MEF2A: variants seen among roughly 807,000 people sequenced by gnomAD.
MEF2A encodes the protein myocyte enhancer factor 2A, also known as myocyte-specific enhancer factor 2A.
A neutral mutation model predicts 55.8 loss-of-function variants in MEF2A; 28 were observed. The ratio of observed to expected loss-of-function variants is 0.50; its 90% CI spans 0.37 to 0.69. The LOEUF (loss-of-function observed/expected upper bound fraction) is 0.69, where lower values mean the gene tolerates loss of function less well. Ranked by LOEUF, MEF2A falls within the 30% of genes least tolerant of loss-of-function variation. The pLI is 0.00. For synonymous variants in MEF2A, 239 were observed against 227.1 expected, an observed-to-expected ratio of 1.05 and a Z score of -0.47; for missense variants, 528 against 626.2, an observed-to-expected ratio of 0.84 and a Z score of 1.67.
intron 3 of MEF2A, among the ~76,000 whole-genome samples, chr15:99,645,309 G>A (rs1004663455): frequency 3.9e-5 from 6 of 152,194 alleles, no homozygotes; most frequent in Admixed American, 1.3e-4. Context: ...TTCACCCTCT[G>A]TAGTGGAGTG....
At chr15:99,695,885 C>T (rs1258078765) in intron 8 of MEF2A, among the ~76,000 whole-genome samples, 4 of 151,018 alleles carry the variant, frequency 2.6e-5, no homozygotes, top group South Asian at 4.2e-4. Flanking sequence ...AAAAATGCTG[C>T]TTACAAGAAA....
chr15:99,623,901 G>A (rs12324876), intron 2 of MEF2A, among the ~76,000 whole-genome samples: 6 of 150,582 alleles, frequency 4.0e-5, no homozygotes, highest in African/African-American at 7.3e-5. Context: ...TCCGCTTCCC[G>A]GGTTCAAGTG....
intron 7 of MEF2A, among the ~76,000 whole-genome samples, chr15:99,683,492 C>T (rs532235687): frequency 6.6e-6 from 1 of 152,098 alleles, no homozygotes; most frequent in African/African-American, 2.4e-5. Context: ...CTGCAGCCTC[C>T]ACCTCTGCGG....
chr15:99,613,517 A>C (rs1431289258), intron 2 of MEF2A, among the ~76,000 whole-genome samples: 2 of 152,182 alleles, frequency 1.3e-5, no homozygotes, highest in Admixed American at 6.5e-5. Context: ...CTAAGTCTTT[A>C]ATAATTGAGA....
chr15:99,653,118 C>A (rs1316599800), intron 4 of MEF2A, among the ~76,000 whole-genome samples: 1 of 152,164 alleles, frequency 6.6e-6, no homozygotes, highest in Non-Finnish European at 1.5e-5. Flanking sequence ...GCCAGAAGTT[C>A]ATTTAGGGCA....
At chr15:99,585,381 G>A (rs1291588338) in intron 1 of MEF2A, among the ~76,000 whole-genome samples, 1 of 152,096 alleles carries the variant, frequency 6.6e-6, no homozygotes, top group African/African-American at 2.4e-5. Context: ...ATGCTTGCTT[G>A]TGTGAAATTT....
chr15:99,642,414 C>T (rs1480386393), intron 3 of MEF2A, among the ~76,000 whole-genome samples: 1 of 151,964 alleles, frequency 6.6e-6, no homozygotes, highest in African/African-American at 2.4e-5. Flanking sequence ...ATGCTCTGGG[C>T]TTTTTTGGTA....
chr15:99,608,997 A>T (rs183092790), intron 2 of MEF2A, among the ~76,000 whole-genome samples: 1 of 152,194 alleles, frequency 6.6e-6, no homozygotes, highest in Non-Finnish European at 1.5e-5. Context: ...TAACAAGTAG[A>T]TAGTTTAGAG....
chr15:99,592,796 A>T (rs1366761529), intron 1 of MEF2A, among the ~76,000 whole-genome samples: 1 of 152,160 alleles, frequency 6.6e-6, no homozygotes, highest in African/African-American at 2.4e-5. Flanking sequence ...TTCATGAGAC[A>T]TCTGCTCCCA....
At chr15:99,651,141 A>G (rs1038111342) in intron 4 of MEF2A, among the ~76,000 whole-genome samples, 11 of 152,306 alleles carry the variant, frequency 7.2e-5, no homozygotes, top group Non-Finnish European at 8.8e-5. Flanking sequence ...AATGGGTTAC[A>G]TTTCAGTTCG....
intron 2 of MEF2A, among the ~76,000 whole-genome samples, chr15:99,621,659 A>C (rs529902987): frequency 1.3e-5 from 2 of 152,148 alleles, no homozygotes; most frequent in Non-Finnish European, 2.9e-5. Context: ...TCTTATGTCT[A>C]GTTTCCTATT....
chr15:99,585,013 A>T (rs1966851036), intron 1 of MEF2A, among the ~76,000 whole-genome samples: 1 of 152,126 alleles, frequency 6.6e-6, no homozygotes, highest in Non-Finnish European at 1.5e-5. Context: ...TCACATTGTC[A>T]CACAAATGCT....
intron 2 of MEF2A, among the ~76,000 whole-genome samples, chr15:99,602,653 G>GGGGGGGTGTGTGTGT (rs1555454713): frequency 2.2e-5 from 1 of 44,842 alleles, no homozygotes; most frequent in African/African-American, 7.1e-5. Context: ...ACATTCCTGG[G>GGGGGGGTGTGTGTGT]GTGTGTGTGT....
intron 1 of MEF2A, among the ~76,000 whole-genome samples, chr15:99,566,991 G>A (rs1029005515): frequency 6.6e-6 from 1 of 152,242 alleles, no homozygotes; most frequent in Non-Finnish European, 1.5e-5. Flanking sequence ...GAGCTGTGAG[G>A]GTTAAAGTAA....
chr15:99,711,695 C>T (rs2058657490), intron 11 of MEF2A, among the ~76,000 whole-genome samples: 1 of 152,230 alleles, frequency 6.6e-6, no homozygotes, highest in Admixed American at 6.5e-5. Context: ...TCTGAAGTAA[C>T]TGCACAGTGA....
chr15:99,686,357 C>T (rs2054212718), intron 7 of MEF2A, among the ~76,000 whole-genome samples: 1 of 151,534 alleles, frequency 6.6e-6, no homozygotes, highest in Admixed American at 6.6e-5. Flanking sequence ...GGTGTATTTT[C>T]AGGTTTTGTT....
chr15:99,669,108 C>G (rs1332301281), intron 4 of MEF2A, among the ~76,000 whole-genome samples: 1 of 152,138 alleles, frequency 6.6e-6, no homozygotes, highest in Non-Finnish European at 1.5e-5. Flanking sequence ...AATTGTTGAA[C>G]AAAAGCTGCC....
At position 99,610,494 on chromosome 15, in the gene MEF2A, A is replaced by G. The variant is rs192651343; in HGVS notation, c.-143+11983A>G. ...GAAATTGAAGATACTTAGAATAGCC[A>G]AAACAATCTTTAAAAAGGATAAAGT... On this transcript the variant is annotated intron_variant, in intron 2 of 11. Coordinates refer to ENST00000557942, the MANE Select transcript of MEF2A (RefSeq NM_001319206.4). Among the ~76,000 whole-genome samples the G allele has an allele frequency of 4.1e-5, 6 of 144,850 alleles. No homozygotes were observed. The East Asian group carries it at 1.3e-3, about 31-fold the overall frequency.
At chr15:99,573,560 A>T (rs762668741) in intron 1 of MEF2A, among the ~76,000 whole-genome samples, 1 of 152,192 alleles carries the variant, frequency 6.6e-6, no homozygotes, top group African/African-American at 2.4e-5. Context: ...TTTGAAATGC[A>T]TATCTCTGTT....
Sources: gnomAD v4.1 joint callset for allele counts (sites outside exome capture counted in the v4.1 genomes callset) on GRCh38, gnomAD v4.1.1 for gene constraint, MANE v1.5 for transcripts, NCBI Gene and HGNC (gene_info 2026-07-23, HGNC 2026-07-21) for gene names.